The following TMEM52B variants were observed in gnomAD, a reference collection of about 807,000 sequenced individuals.
TMEM52B encodes the protein chromosome 12 open reading frame 59.
Under a neutral mutation model 16.1 loss-of-function variants are expected in TMEM52B, and 11 were observed. The ratio of observed to expected loss-of-function variants is 0.68; its 90% CI spans 0.43 to 1.13. The LOEUF (loss-of-function observed/expected upper bound fraction) is 1.13, where lower values mean the gene tolerates loss of function less well. Among genes scored for constraint, TMEM52B ranks in the 50% most tolerant of loss-of-function variants. The pLI is 0.00. For missense variants in TMEM52B, 243 were observed against 230.4 expected, an observed-to-expected ratio of 1.05 and a Z score of -0.35; for synonymous variants, 101 against 93.8, an observed-to-expected ratio of 1.08 and a Z score of -0.45.
rs149316102 is a variant in TMEM52B, at chr12:10,171,458, A to T, written c.-95+607A>T. ...CACAACAAAATGTAACTTATGCTAAACTATACTGAATATCATTTACTTTGC... is the reference window on the plus strand; with the variant it reads ...CACAACAAAATGTAACTTATGCTAATCTATACTGAATATCATTTACTTTGC... On this transcript the variant is annotated intron_variant, in intron 1 of 5. Transcript: ENST00000381923. Among the ~76,000 whole-genome samples, 466 of 152,374 alleles carry T rather than the reference A, an allele frequency of 3.1e-3. 4 individuals carry two copies. Among genetic ancestry groups the T allele is most frequent in the African/African-American group, 0.01 (435 of 41,592 alleles).
At chr12:10,189,164 C>G (rs1948924878) in intron 4 of TMEM52B, among the ~76,000 whole-genome samples, 1 of 144,436 alleles carries the variant, frequency 6.9e-6, no homozygotes, top group African/African-American at 2.6e-5. Flanking sequence ...GATTGTGCCA[C>G]TGCACTCCAA....
chr12:10,180,940 G>C (rs1183840409), intron 1 of TMEM52B, among the ~76,000 whole-genome samples: 1 of 152,084 alleles, frequency 6.6e-6, no homozygotes, highest in Non-Finnish European at 1.5e-5. Context: ...CAAGTAGCAG[G>C]GATTGCAGGC....
At chr12:10,186,880 T>C (rs115800608) in intron 4 of TMEM52B, among the ~76,000 whole-genome samples, 2,257 of 152,316 alleles carry the variant, frequency 0.015, 56 homozygotes, top group African/African-American at 0.052. Context: ...AAAAACTATT[T>C]TGAACTCCAA....
intron 4 of TMEM52B, among the ~76,000 whole-genome samples, chr12:10,188,178 C>T (rs1376521150): frequency 4.6e-5 from 7 of 152,108 alleles, no homozygotes; most frequent in Admixed American, 1.3e-4. Flanking sequence ...TTCTCACTGT[C>T]ATCTTAGGAA....
intron 3 of TMEM52B, among the ~76,000 whole-genome samples, chr12:10,185,854 C>T (rs2537749): frequency 6.6e-6 from 1 of 151,894 alleles, no homozygotes; most frequent in Non-Finnish European, 1.5e-5. Flanking sequence ...CCAGCCTGAC[C>T]AACCTGGAGA....
intron 1 of TMEM52B, 147 bp downstream of exon 1, chr12:10,179,775 C>T (rs1948801538): frequency 3.4e-6 from 3 of 870,904 alleles, no homozygotes; most frequent in Non-Finnish European, 5.5e-6. Context: ...TACAAAGTTT[C>T]CTTAGTATTA....
chr12:10,173,414 T>G lies in TMEM52B; in HGVS notation c.-95+2563T>G, dbSNP rs145372176. ...AAAATTACCAATATTGACAGCCTAA[T>G]TAGGATTCCATTTCCCTCCTCCTCC... On this transcript the variant is annotated intron_variant, in intron 1 of 5. Transcript: ENST00000381923. 4.6e-3 allele frequency among the ~76,000 whole-genome samples: 702 copies of G among 152,238 alleles called. 6 individuals are homozygous for G. Among genetic ancestry groups the G allele is most frequent in the African/African-American group, 0.015 (630 of 41,550 alleles).
At chr12:10,183,786 T>C (rs888415073) in intron 2 of TMEM52B, among the ~76,000 whole-genome samples, 1 of 152,228 alleles carries the variant, frequency 6.6e-6, no homozygotes, top group Admixed American at 6.5e-5. Context: ...TCAGTGGATA[T>C]GCAAATTAGT....
intron 3 of TMEM52B, 58 bp from the exon 4 acceptor site, chr12:10,186,362 C>T (rs1797495776): frequency 6.8e-7 from 1 of 1,478,058 alleles, no homozygotes. Context: ...CTGGTTACAG[C>T]AGAGCTGGGA....
rs1318360671 is a variant in TMEM52B, at chr12:10,190,558, A to G, written c.*418A>G. 4.8e-6 allele frequency: 1 copy of G among 207,136 alleles called. No individual in the cohort carries two copies. Among genetic ancestry groups the G allele is most frequent in the Non-Finnish European group, 1.0e-5 (1 of 99,270 alleles). 12.8% of individuals were successfully genotyped at this position (207,136 alleles called of 1,614,324 possible). Reference sequence around the variant, plus strand: ...TCAGCACAGCCATCGACATTAATGCACTGAATGCATGCATCTTTCCTCCTG... The same window carrying G: ...TCAGCACAGCCATCGACATTAATGCGCTGAATGCATGCATCTTTCCTCCTG... On this transcript the variant is annotated 3_prime_UTR_variant, in exon 5 of 5. Coordinates refer to ENST00000543484, the MANE Select transcript of TMEM52B (RefSeq NM_001384896.1).
rs1400287300 is a variant in TMEM52B, at chr12:10,191,159, G to GA, written c.*1023dup. The GA allele has an allele frequency of 6.6e-6, 1 of 151,832 alleles. No homozygotes were observed. Among genetic ancestry groups the GA allele is most frequent in the African/African-American group, 2.4e-5 (1 of 41,312 alleles). 9.4% of individuals were successfully genotyped at this position (151,832 alleles called of 1,614,324 possible). On this transcript the variant is annotated 3_prime_UTR_variant, in exon 5 of 5. Coordinates refer to ENST00000543484, the MANE Select transcript of TMEM52B (RefSeq NM_001384896.1). Reference sequence around the variant, plus strand: ...ACCACCTCCCAAAGTATTATTATTGGAAAATCGAGGAAGTGACGCACATTT... The same window carrying GA: ...ACCACCTCCCAAAGTATTATTATTGGAAAAATCGAGGAAGTGACGCACATTT...
At chr12:10,188,519 AGGAAG>A (rs1948909863) in intron 4 of TMEM52B, among the ~76,000 whole-genome samples, 1 of 99,350 alleles carries the variant, frequency 1.0e-5, no homozygotes, top group East Asian at 3.6e-4. Flanking sequence ...GAAGGAAGGA[AGGAAG>A]GAAGGAAGGA....
chr12:10,190,203 A>T lies in TMEM52B; in HGVS notation c.*63A>T. On this transcript the variant is annotated 3_prime_UTR_variant, in exon 5 of 5. Coordinates refer to ENST00000543484, the MANE Select transcript of TMEM52B (RefSeq NM_001384896.1). Reference sequence around the variant, plus strand: ...TCCAGAGTCTGTGGGAAAATGGAACACATACTTTTCTAACCCTCAGAAGTT... The same window carrying T: ...TCCAGAGTCTGTGGGAAAATGGAACTCATACTTTTCTAACCCTCAGAAGTT... 2 of 1,597,268 alleles carry T rather than the reference A, an allele frequency of 1.3e-6. No individual in the cohort carries two copies. The highest frequency in any genetic ancestry group is 8.5e-7 in the Non-Finnish European group (1 of 1,170,908).
rs535503160 is a variant in TMEM52B at position 10,185,829 on chromosome 12, G to T, written c.137+461G>T. Among the ~76,000 whole-genome samples the T allele has an allele frequency of 2.0e-5, 3 of 152,200 alleles. No individual in the cohort carries two copies. The South Asian group carries it at 6.2e-4, about 32-fold the overall frequency. Reference sequence around the variant, plus strand: ...AGGCCGAGACAGTGGATTATCTGAGGTCAGGAGTTCAAGACCAGCCTGACC... The same window carrying T: ...AGGCCGAGACAGTGGATTATCTGAGTTCAGGAGTTCAAGACCAGCCTGACC... On this transcript the variant is annotated intron_variant, in intron 3 of 4. Transcript: ENST00000543484.
chr12:10,182,068 G>A (rs933734797), intron 1 of TMEM52B: 2 of 927,558 alleles, frequency 2.2e-6, no homozygotes, highest in Non-Finnish European at 2.6e-6. Flanking sequence ...TTAGCAGTCT[G>A]AGTGGCATCT....
At chr12:10,178,007 T>C (rs1014516815), upstream of TMEM52B, among the ~76,000 whole-genome samples, 5 of 150,788 alleles carry the variant, frequency 3.3e-5, no homozygotes, top group Admixed American at 6.6e-5. Flanking sequence ...GTGGCCCTCC[T>C]GCTTCAGCCT....
chr12:10,173,122 T>C (rs1171723738), intron 1 of TMEM52B, among the ~76,000 whole-genome samples: 1 of 152,212 alleles, frequency 6.6e-6, no homozygotes, highest in African/African-American at 2.4e-5. Flanking sequence ...GATTGACTCA[T>C]GTCACAAAGA....
At chr12:10,177,893 C>G (rs564967116), upstream of TMEM52B, among the ~76,000 whole-genome samples, 34 of 151,050 alleles carry the variant, frequency 2.3e-4, no homozygotes, top group Non-Finnish European at 3.0e-4. Flanking sequence ...TCTTTTGTTT[C>G]TTTTAATATT....
In TMEM52B at chr12:10,179,567, T is replaced by G. The variant is rs778492417; in HGVS notation, c.-8T>G. ...TGCAAGATTCTGAAGAAGCAGGAATTCAGCCCGATGGGAGTCCGAGTTCAT... is the reference window on the plus strand; with the variant it reads ...TGCAAGATTCTGAAGAAGCAGGAATGCAGCCCGATGGGAGTCCGAGTTCAT... On this transcript the variant is annotated 5_prime_UTR_variant, in exon 1 of 5. In the 5' UTR this introduces an upstream ATG that the reference lacks. Coordinates refer to ENST00000543484, the MANE Select transcript of TMEM52B (RefSeq NM_001384896.1). The G allele has an allele frequency of 6.2e-7, 1 of 1,614,132 alleles. No homozygotes were observed. Among genetic ancestry groups the G allele is most frequent in the South Asian group, 1.1e-5 (1 of 91,080 alleles).
Sources: allele counts gnomAD v4.1 joint callset (sites outside exome capture counted in the v4.1 genomes callset), GRCh38; gene constraint gnomAD v4.1.1; transcripts MANE v1.5; gene names NCBI Gene and HGNC (gene_info 2026-07-23, HGNC 2026-07-21).